OR2J2: variants seen among roughly 807,000 people sequenced by gnomAD.
OR2J2 encodes olfactory receptor 2J2.
In OR2J2, 13 loss-of-function variants were observed where a neutral mutation model predicts 16.9. The observed-to-expected ratio is 0.77, with a 90% CI of 0.50 to 1.23. The LOEUF (loss-of-function observed/expected upper bound fraction) is 1.23. Ranked by LOEUF, OR2J2 falls within the 50% of genes most tolerant of loss-of-function variation. The probability of loss-of-function intolerance (pLI) is 0.00; values close to 1 mark genes in which losing one functional copy is unlikely to be tolerated. For synonymous variants in OR2J2, 125 were observed against 141.2 expected (o/e 0.89, Z 0.81); for missense variants, 341 against 379.1 (o/e 0.90, Z 0.84).
intron 1 of OR2J2, 36 bp from the exon 2 acceptor site, chr6:29,173,583 T>C (rs958723054): frequency 2.9e-6 from 4 of 1,392,154 alleles, no homozygotes; most frequent in Admixed American, 2.0e-5. Flanking sequence ...TGACAATGCA[T>C]GGACAGACTT....
intron 1 of OR2J2, chr6:29,173,349 T>C: frequency 3.0e-6 from 1 of 329,382 alleles, no homozygotes; most frequent in Non-Finnish European, 5.4e-6. Context: ...ATAAATATTG[T>C]GTTCCTGATT....
chr6:29,172,349 C>T (rs199606099), intron 1 of OR2J2, among the ~76,000 whole-genome samples: 84 of 152,210 alleles, frequency 5.5e-4, no homozygotes, highest in African/African-American at 1.6e-3. Context: ...TGAGCCACCA[C>T]GCCTGGCCTC....
In OR2J2 at chr6:29,174,680, CA is replaced by C. The variant is rs1436511846; in HGVS notation, c.*110del. On this transcript the variant is annotated 3_prime_UTR_variant, in exon 2 of 2. Coordinates refer to ENST00000641417, the MANE Select transcript of OR2J2 (RefSeq NM_030905.3). Reference sequence around the variant, plus strand: ...GATTTATTTTTGTTCTAACAGCTCACAAAACAGAATAGTTCAGTCTCACATT... The same window carrying C: ...GATTTATTTTTGTTCTAACAGCTCACAAACAGAATAGTTCAGTCTCACATT... 1 of 830,362 alleles carries C rather than the reference CA, an allele frequency of 1.2e-6. No homozygotes were observed. Among genetic ancestry groups the C allele is most frequent in the Non-Finnish European group, 1.8e-6 (1 of 543,538 alleles). The allele number at this position is 830,362 out of a possible 1,614,324, so 51.4% of individuals were successfully genotyped here.
chr6:29,173,594 T>G, intron 1 of OR2J2, 25 bp from the exon 2 acceptor site: 46 of 1,474,626 alleles, frequency 3.1e-5, no homozygotes, highest in Non-Finnish European at 4.0e-5. Context: ...GGACAGACTT[T>G]GAGTTTATGT....
chr6:29,173,290 C>G (rs1425976865), intron 1 of OR2J2: 1 of 197,594 alleles, frequency 5.1e-6, no homozygotes, highest in Non-Finnish European at 1.0e-5. Context: ...TGGAAATAGC[C>G]TGAAAATATA....
In OR2J2 at chr6:29,174,624, A is replaced by G. The variant is rs748943803; in HGVS notation, c.*50A>G. The G allele has an allele frequency of 7.0e-6, 10 of 1,436,720 alleles. No homozygotes were observed. In the Admixed American group the frequency reaches 8.9e-5, roughly 13 times the overall value. The allele number at this position is 1,436,720 out of a possible 1,614,324, so 89.0% of individuals were successfully genotyped here. On this transcript the variant is annotated 3_prime_UTR_variant, in exon 2 of 2. Transcript: ENST00000641417. ...CATTGTTTTTCCTAGGGTCTTAGCC[A>G]TCTTGAAAGGTGGTTTCCCTGCTTC...
chr6:29,171,228 A>G (rs1331253480), intron 1 of OR2J2, 123 bp downstream of exon 1: 1 of 152,122 alleles, frequency 6.6e-6, no homozygotes, highest in South Asian at 2.1e-4. Flanking sequence ...GGGGTGATGG[A>G]TATGTTAACT....
intron 1 of OR2J2, among the ~76,000 whole-genome samples, chr6:29,172,119 C>T (rs1765524781): frequency 6.6e-6 from 1 of 152,110 alleles, no homozygotes. Flanking sequence ...ATGGCATGAT[C>T]TCAGCTCACT....
chr6:29,171,630 C>A (rs1765494429), intron 1 of OR2J2, among the ~76,000 whole-genome samples: 1 of 151,858 alleles, frequency 6.6e-6, no homozygotes, highest in Non-Finnish European at 1.5e-5. Flanking sequence ...CGGAGGAATG[C>A]TGAAAGATGG....
At chr6:29,171,258 A>G (rs1266936782) in intron 1 of OR2J2, among the ~76,000 whole-genome samples, 153 bp downstream of exon 1, 1 of 152,154 alleles carries the variant, frequency 6.6e-6, no homozygotes, top group African/African-American at 2.4e-5. Flanking sequence ...TAATCATTCT[A>G]TAATGTATAT....
At position 29,174,640 on chromosome 6, in the gene OR2J2, T is replaced by G. The variant is rs1308637424; in HGVS notation, c.*66T>G. 2.7e-5 allele frequency: 35 copies of G among 1,274,542 alleles called. No individual in the cohort carries two copies. Among genetic ancestry groups the G allele is most frequent in the Non-Finnish European group, 3.7e-5 (34 of 928,898 alleles). 79.0% of individuals were successfully genotyped at this position (1,274,542 alleles called of 1,614,324 possible). On this transcript the variant is annotated 3_prime_UTR_variant, in exon 2 of 2. Transcript: ENST00000641417. ...GTCTTAGCCATCTTGAAAGGTGGTT[T>G]CCCTGCTTCTTTGTGATTTATTTTT...
chr6:29,171,895 C>G (rs1765507565), intron 1 of OR2J2, among the ~76,000 whole-genome samples: 2 of 152,166 alleles, frequency 1.3e-5, no homozygotes, highest in East Asian at 3.9e-4. Flanking sequence ...ATCTTTGTAC[C>G]AGTCTGGAGC....
At position 29,174,238 on chromosome 6, in the gene OR2J2, G is replaced by T; in HGVS notation, c.603G>T (p.Met201Ile). 1 of 1,613,608 alleles carries T rather than the reference G, an allele frequency of 6.2e-7. No homozygotes were observed. The highest frequency in any genetic ancestry group is 2.2e-5 in the East Asian group (1 of 44,820). ...CCCATGCAAATGAGCTGACCCTCAT[G>T]GTCATGAGCTCCATTTTTGTTCTCA... ...VDTHANELTL[M>I]VMSSIFVLIP... Residue 201 changes from methionine (M) to isoleucine (I), a missense_variant, in exon 2 of 2, where the codon ATG (methionine) becomes ATT (isoleucine). Physicochemically the swap from Met to Ile is conservative, Grantham distance 10. Transcript: ENST00000641417.
At position 29,174,644 on chromosome 6, in the gene OR2J2, T is replaced by C; in HGVS notation, c.*70T>C. The C allele has an allele frequency of 8.2e-7, 1 of 1,215,888 alleles. No homozygotes were observed. The highest frequency in any genetic ancestry group is 2.5e-5 in the Admixed American group (1 of 40,092). 75.3% of individuals were successfully genotyped at this position (1,215,888 alleles called of 1,614,324 possible). On this transcript the variant is annotated 3_prime_UTR_variant, in exon 2 of 2. Transcript: ENST00000641417. ...TAGCCATCTTGAAAGGTGGTTTCCC[T>C]GCTTCTTTGTGATTTATTTTTGTTC...
In OR2J2 at chr6:29,175,366, G is replaced by C. The variant is rs1765797675; in HGVS notation, c.*792G>C. The stretch of plus-strand genomic sequence containing the variant: ...TGGCAACATAAAAGATGAAGTATCT[G>C]TGCATGGCTTAATTTGTCACTGGGG... On this transcript the variant is annotated 3_prime_UTR_variant, in exon 2 of 2. Coordinates refer to ENST00000641417, the MANE Select transcript of OR2J2 (RefSeq NM_030905.3). 1 of 152,174 alleles carries C rather than the reference G, an allele frequency of 6.6e-6. No homozygotes were observed. The highest frequency in any genetic ancestry group is 6.6e-5 in the Admixed American group (1 of 15,256). 9.4% of individuals were successfully genotyped at this position (152,174 alleles called of 1,614,324 possible).
Position 29,174,652 on chromosome 6 carries a change from T to C in OR2J2, c.*78T>C. On this transcript the variant is annotated 3_prime_UTR_variant, in exon 2 of 2. Transcript: ENST00000641417. ...TTGAAAGGTGGTTTCCCTGCTTCTT[T>C]GTGATTTATTTTTGTTCTAACAGCT... 1 of 1,172,060 alleles carries C rather than the reference T, an allele frequency of 8.5e-7. No individual in the cohort carries two copies. The highest frequency in any genetic ancestry group is 2.6e-5 in the Admixed American group (1 of 38,870). 72.6% of individuals were successfully genotyped at this position (1,172,060 alleles called of 1,614,324 possible).
intron 1 of OR2J2, 111 bp downstream of exon 1, chr6:29,171,216 G>GTGGGGTGAT (rs1765466830): frequency 6.6e-6 from 1 of 152,042 alleles, no homozygotes; most frequent in Non-Finnish European, 1.5e-5. Flanking sequence ...TATGATGGTT[G>GTGGGGTGAT]TGGGGTGATG....
intron 1 of OR2J2, among the ~76,000 whole-genome samples, chr6:29,171,783 C>T (rs367830059): frequency 6.6e-6 from 1 of 152,064 alleles, no homozygotes; most frequent in Non-Finnish European, 1.5e-5. Flanking sequence ...GGCATATTAC[C>T]TTTCATCTTA....
At chr6:29,173,396 T>A (rs926159284) in intron 1 of OR2J2, 4 of 417,922 alleles carry the variant, frequency 9.6e-6, no homozygotes, top group Non-Finnish European at 1.3e-5. Context: ...CAAATGTTAA[T>A]TCAGGGATGT....
Sources: allele counts gnomAD v4.1 joint callset (sites outside exome capture counted in the v4.1 genomes callset), GRCh38; gene constraint gnomAD v4.1.1; transcripts MANE v1.5; gene names NCBI Gene and HGNC (gene_info 2026-07-23, HGNC 2026-07-21).